The following METTL6 variants were observed in gnomAD, a reference collection of about 807,000 sequenced individuals.
The protein encoded by METTL6 is tRNA N(3)-cytidine methyltransferase METTL6.
METTL6 carries 22 observed loss-of-function variants against 26.4 expected under a neutral mutation model. The ratio of observed to expected loss-of-function variants is 0.83; its 90% confidence interval spans 0.59 to 1.19. The LOEUF (loss-of-function observed/expected upper bound fraction) is 1.19, where lower values mean the gene tolerates loss of function less well. Among genes scored for constraint, METTL6 ranks in the 50% most tolerant of loss-of-function variants. The pLI is 0.00. For missense variants in METTL6, 304 were observed against 324.8 expected (o/e 0.94, Z 0.49); for synonymous variants, 109 against 116.2 (o/e 0.94, Z 0.40).
chr3:15,387,807 G>GA (rs1466544422), intron 6 of METTL6, among the ~76,000 whole-genome samples: 2 of 145,134 alleles, frequency 1.4e-5, no homozygotes, highest in East Asian at 4.0e-4. Context: ...CGTTCTCTTT[G>GA]AAAAAAAGAT....
rs567294912 is a variant in METTL6, at chr3:15,426,271, C to T, written c.225+16G>A. 7.5e-6 allele frequency: 12 copies of T among 1,607,618 alleles called. No homozygotes were observed. The highest frequency in any genetic ancestry group is 1.7e-4 in the Middle Eastern group (1 of 6,028). ...TAAATGAAGAACAGCTCAGATAAGG[C>T]GTAATATTAGCTTACCTCTCTACAT... On this transcript the variant is annotated intron_variant, in intron 2 of 5. Transcript: ENST00000383790.
chr3:15,415,460 CTG>C (rs1700161284), intron 4 of METTL6: 8 of 1,549,208 alleles, frequency 5.2e-6, no homozygotes, highest in South Asian at 1.2e-5. Flanking sequence ...CCTGGCCAAA[CTG>C]TGTACTCTTG....
At chr3:15,394,793 T>C (rs984427051) in intron 6 of METTL6, among the ~76,000 whole-genome samples, 2 of 152,214 alleles carry the variant, frequency 1.3e-5, no homozygotes, top group Admixed American at 1.3e-4. Context: ...TCAGTTTCCA[T>C]GTAGTTGAGT....
rs369304251 is a variant in METTL6, at chr3:15,419,966, G to A, written c.361-4024C>T. On this transcript the variant is annotated intron_variant, in intron 3 of 5. Coordinates refer to ENST00000383790, the MANE Select transcript of METTL6 (RefSeq NM_152396.4). ...AAGCTCCGCCTCCCAGGTTCATGCC[G>A]TTCTCCTGCCTCAGCCTCCCGAGTA... is the stretch of plus-strand genomic sequence containing the variant. Among the ~76,000 whole-genome samples the A allele has an allele frequency of 3.0e-4, 45 of 150,392 alleles. 3 individuals carry two copies. The highest frequency in any genetic ancestry group is 1.2e-3 in the Admixed American group (18 of 14,980).
intron 6 of METTL6, among the ~76,000 whole-genome samples, chr3:15,388,995 G>A (rs1699269351): frequency 6.6e-6 from 1 of 152,054 alleles, no homozygotes; most frequent in Non-Finnish European, 1.5e-5. Flanking sequence ...AAGTAGCTGT[G>A]ACTATAGGCA....
At chr3:15,415,437 A>AT (rs1382708360) in intron 4 of METTL6, 4 of 1,488,820 alleles carry the variant, frequency 2.7e-6, no homozygotes, top group Non-Finnish European at 3.6e-6. Flanking sequence ...GATTACAGGC[A>AT]TGAAACACCA....
At chr3:15,407,487 G>A (rs536546222), downstream of METTL6, among the ~76,000 whole-genome samples, 6 of 152,158 alleles carry the variant, frequency 3.9e-5, no homozygotes, top group African/African-American at 9.7e-5. Flanking sequence ...AAAGGAAGAC[G>A]ACTTCATCAA....
At chr3:15,425,239 T>G (rs895390600) in intron 2 of METTL6, 150 bp from the exon 3 acceptor site, 9 of 773,840 alleles carry the variant, frequency 1.2e-5, no homozygotes, top group Non-Finnish European at 1.6e-5. Context: ...ATACTGGTAC[T>G]TCATTTGTCA....
rs781037598 is a variant in METTL6 at position 15,409,963 on chromosome 3, T to C, written c.*1293A>G. 2.6e-5 allele frequency among the ~76,000 whole-genome samples: 4 copies of C among 152,244 alleles called. No homozygotes were observed. The highest frequency in any genetic ancestry group is 5.9e-5 in the Non-Finnish European group (4 of 68,046). ...CATTTTTCCCCATGGTTGTCTGACA[T>C]GTTGCCTGGGGGAACACTTACAGTC... is the stretch of plus-strand genomic sequence containing the variant. On this transcript the variant is annotated 3_prime_UTR_variant, in exon 6 of 6. Coordinates refer to ENST00000383790, the MANE Select transcript of METTL6 (RefSeq NM_152396.4).
downstream of METTL6, among the ~76,000 whole-genome samples, chr3:15,405,637 T>C (rs1204128224): frequency 6.6e-6 from 1 of 152,196 alleles, no homozygotes; most frequent in Non-Finnish European, 1.5e-5. Context: ...TGGTACAACA[T>C]TCAAATCCCG....
intron 6 of METTL6, among the ~76,000 whole-genome samples, chr3:15,393,443 C>A (rs1699402641): frequency 6.6e-6 from 1 of 152,186 alleles, no homozygotes; most frequent in African/African-American, 2.4e-5. Context: ...CATCTGCAGA[C>A]AGCGACAATT....
chr3:15,420,742 T>A (rs956017548), intron 3 of METTL6, among the ~76,000 whole-genome samples: 1 of 152,238 alleles, frequency 6.6e-6, no homozygotes. Context: ...GTCAGTAACC[T>A]AATACACTGA....
At chr3:15,424,363 C>T (rs188852245) in intron 3 of METTL6, among the ~76,000 whole-genome samples, 7 of 152,306 alleles carry the variant, frequency 4.6e-5, no homozygotes, top group African/African-American at 4.8e-5. Context: ...ACTTCCCTGA[C>T]TCAAGTGATC....
chr3:15,382,689 A>T (rs1176025849), exon 7 of METTL6: 1 of 150,612 alleles, frequency 6.6e-6, no homozygotes, highest in African/African-American at 2.4e-5. Flanking sequence ...AAAAAGACAG[A>T]CTAAGCATGT....
At chr3:15,387,762 T>C (rs1699236167) in intron 6 of METTL6, among the ~76,000 whole-genome samples, 1 of 152,052 alleles carries the variant, frequency 6.6e-6, no homozygotes, top group Admixed American at 6.6e-5. Flanking sequence ...CTAGGGAGAA[T>C]GAATGGATCA....
intron 3 of METTL6, among the ~76,000 whole-genome samples, chr3:15,424,716 TA>T (rs1248125713): frequency 7.2e-5 from 11 of 152,258 alleles, no homozygotes; most frequent in Non-Finnish European, 1.3e-4. Context: ...AGAAAAATTG[TA>T]AAGCAAAAGA....
rs1391316474 is a variant in METTL6 at position 15,410,363 on chromosome 3, C to T, written c.*893G>A. Among the ~76,000 whole-genome samples the T allele has an allele frequency of 6.6e-6, 1 of 152,148 alleles. No homozygotes were observed. The highest frequency in any genetic ancestry group is 2.4e-5 in the African/African-American group (1 of 41,438). The stretch of plus-strand genomic sequence containing the variant: ...TTTGAGACAGACTTTTGCTCTGTCG[C>T]CCAGGCTGGAGTGCAGTAGCGTGAT... On this transcript the variant is annotated 3_prime_UTR_variant, in exon 6 of 6. Coordinates refer to ENST00000383790, the MANE Select transcript of METTL6 (RefSeq NM_152396.4).
chr3:15,415,357 A>G, intron 4 of METTL6: 1 of 735,404 alleles, frequency 1.4e-6, no homozygotes, highest in Non-Finnish European at 2.2e-6. Flanking sequence ...AGGTCTTGCT[A>G]TGTTGGCCAG....
intron 6 of METTL6, chr3:15,399,576 GTGTGTT>G (rs1699584865): frequency 6.7e-6 from 1 of 149,440 alleles, no homozygotes; most frequent in African/African-American, 2.5e-5. Flanking sequence ...GTGTGTGTGT[GTGTGTT>G]GGAGGCTGGG....
Sources: gnomAD v4.1 joint callset for allele counts (sites outside exome capture counted in the v4.1 genomes callset) on GRCh38, gnomAD v4.1.1 for gene constraint, MANE v1.5 for transcripts, NCBI Gene and HGNC (gene_info 2026-07-23, HGNC 2026-07-21) for gene names.